Variants in NEK10 observed in about 807,000 individuals in gnomAD.
NEK10 encodes the protein serine/threonine-protein kinase Nek10.
In NEK10, 122 loss-of-function variants were observed where a neutral mutation model predicts 159.8. That is an observed-to-expected ratio of 0.76 (90% CI 0.66 to 0.89). NEK10 has a LOEUF of 0.89. Ranked by LOEUF, NEK10 falls within the 40% of genes least tolerant of loss-of-function variation. NEK10 has a pLI of 0.00. For synonymous variants in NEK10, 466 were observed against 457.1 expected, an observed-to-expected ratio of 1.02 and a Z score of -0.25; for missense variants, 1,342 against 1,323.1, an observed-to-expected ratio of 1.01 and a Z score of -0.22.
chr3:27,359,201 C>CA (rs5847459), intron 1 of NEK10, among the ~76,000 whole-genome samples: 105,265 of 135,072 alleles, frequency 0.78, 41,077 homozygotes, highest in East Asian at 0.87. Context: ...AACTCCATTT[C>CA]AAAAAAAAAA....
intron 1 of NEK10, among the ~76,000 whole-genome samples, chr3:27,354,029 C>A (rs1394465661): frequency 6.6e-6 from 1 of 152,142 alleles, no homozygotes; most frequent in Non-Finnish European, 1.5e-5. Context: ...CCCGTAAGTT[C>A]TAAAATAAAT....
intron 31 of NEK10, among the ~76,000 whole-genome samples, chr3:27,138,439 G>A (rs184739341): frequency 1.5e-3 from 231 of 152,252 alleles, no homozygotes; most frequent in Non-Finnish European, 2.2e-3. Context: ...CCTAGTGTGG[G>A]AGTGCCCAAT....
chr3:27,216,863 A>G (rs2149127996), intron 23 of NEK10, among the ~76,000 whole-genome samples: 1 of 152,362 alleles, frequency 6.6e-6, no homozygotes, highest in South Asian at 2.1e-4. Flanking sequence ...TAAGTTGGGG[A>G]TAAATGCTAT....
At chr3:27,250,488 T>G (rs1214661351) in intron 23 of NEK10, among the ~76,000 whole-genome samples, 1 of 152,134 alleles carries the variant, frequency 6.6e-6, no homozygotes, top group African/African-American at 2.4e-5. Flanking sequence ...GCCCAGCCTG[T>G]GTATTTACTA....
intron 23 of NEK10, among the ~76,000 whole-genome samples, chr3:27,248,165 G>A (rs184852502): frequency 1.2e-3 from 185 of 152,104 alleles, no homozygotes; most frequent in African/African-American, 3.9e-3. Context: ...ATAGTTGTTC[G>A]TGGTAGCCAC....
Position 27,173,558 on chromosome 3 carries a change from G to C in NEK10, c.2776+881C>G, listed in dbSNP as rs550014226. Among the ~76,000 whole-genome samples the C allele has an allele frequency of 3.7e-4, 56 of 152,240 alleles. 2 individuals carry two copies. In the South Asian group the frequency reaches 0.011, roughly 30 times the overall value. ...ATATGGAACATCTAATCATCATTTC[G>C]ATGGACCAATTAAGTTTGGAAAGGA... On this transcript the variant is annotated intron_variant, in intron 28 of 35. Coordinates refer to ENST00000691995, the MANE Select transcript of NEK10 (RefSeq NM_001394966.1).
chr3:27,183,613 C>A (rs915917423), intron 26 of NEK10, among the ~76,000 whole-genome samples: 1 of 151,620 alleles, frequency 6.6e-6, no homozygotes, highest in South Asian at 2.1e-4. Flanking sequence ...TCTGTTTATC[C>A]AAAAAATGTC....
rs768853186 is a variant in NEK10 at position 27,322,230 on chromosome 3, A to G, written c.394T>C (p.Phe132Leu). The change falls in exon 6 of 36, where the codon TTT becomes CTT. Residue 132 changes from phenylalanine to leucine, a missense_variant. Phe to Leu is a conservative substitution (Grantham distance 22, BLOSUM62 0). Transcript: ENST00000691995. ...EWVNRAPSIHFLRVLICLRLL... is the reference protein window; with the variant it reads ...EWVNRAPSIHLLRVLICLRLL... ...CTCAGACAGATTAACACTCTCAGAAAATGAATAGATGGGGCTCGATTAACC... is the reference window on the plus strand; with the variant it reads ...CTCAGACAGATTAACACTCTCAGAAGATGAATAGATGGGGCTCGATTAACC... 6.4e-7 allele frequency: 1 copy of G among 1,564,852 alleles called. No individual in the cohort carries two copies. The highest frequency in any genetic ancestry group is 8.7e-7 in the Non-Finnish European group (1 of 1,150,642).
chr3:27,215,033 G>C lies in NEK10; in HGVS notation c.2091-12476C>G. 10 of 591,202 alleles carry C rather than the reference G, an allele frequency of 1.7e-5. No homozygotes were observed. The South Asian group carries it at 2.0e-4, about 12-fold the overall frequency. 36.6% of individuals were successfully genotyped at this position (591,202 alleles called of 1,614,324 possible). On this transcript the variant is annotated intron_variant, in intron 23 of 35. Coordinates refer to ENST00000691995, the MANE Select transcript of NEK10 (RefSeq NM_001394966.1). ...TCCAACTCCGACCTGTTCCCCACCG[G>C]CGCCTCCAGCTTTCCTCTTGGCCGG...
intron 30 of NEK10, among the ~76,000 whole-genome samples, chr3:27,154,791 C>T (rs1412380320): frequency 6.6e-6 from 1 of 152,142 alleles, no homozygotes; most frequent in Non-Finnish European, 1.5e-5. Flanking sequence ...ATACAAGGGA[C>T]ATACCTCAAT....
chr3:27,123,650 A>T (rs537508800), intron 32 of NEK10, among the ~76,000 whole-genome samples: 1 of 152,188 alleles, frequency 6.6e-6, no homozygotes, highest in Non-Finnish European at 1.5e-5. Context: ...ATGTCCACCT[A>T]GATACATGTA....
chr3:27,234,463 C>T (rs1057270835), intron 23 of NEK10, among the ~76,000 whole-genome samples: 5 of 152,016 alleles, frequency 3.3e-5, no homozygotes, highest in African/African-American at 1.2e-4. Flanking sequence ...TTCCTATACA[C>T]CAACAACAAT....
chr3:27,226,785 G>A (rs956093308), intron 23 of NEK10, among the ~76,000 whole-genome samples: 1 of 152,104 alleles, frequency 6.6e-6, no homozygotes, highest in Admixed American at 6.6e-5. Context: ...AATACTTGAA[G>A]GAGGAAAACA....
intron 19 of NEK10, among the ~76,000 whole-genome samples, chr3:27,289,382 G>A (rs931593033): frequency 5.3e-5 from 8 of 152,116 alleles, no homozygotes; most frequent in Non-Finnish European, 1.2e-4. Context: ...CCTCCTTTAA[G>A]GACTCAATGT....
chr3:27,155,748 A>G (rs1021922207), intron 30 of NEK10, among the ~76,000 whole-genome samples: 1 of 152,034 alleles, frequency 6.6e-6, no homozygotes, highest in Non-Finnish European at 1.5e-5. Context: ...TGCAATCCCC[A>G]TCAAAATACC....
At chr3:27,137,226 G>C (rs1026186020) in intron 31 of NEK10, among the ~76,000 whole-genome samples, 3 of 152,062 alleles carry the variant, frequency 2.0e-5, no homozygotes, top group African/African-American at 7.2e-5. Flanking sequence ...CTTGTAGCAA[G>C]GAATGCCATT....
rs1559467975 is a variant in NEK10 at position 27,304,730 on chromosome 3, A to G, written c.1028+17T>C. ...CAACAAACAGGGCAAAGTAGGCCAA[A>G]GCCCACTTTTACTCACCCTTGTAAA... On this transcript the variant is annotated intron_variant, in intron 12 of 35. Transcript: ENST00000691995. 6.5e-7 allele frequency: 1 copy of G among 1,548,092 alleles called. No homozygotes were observed. The highest frequency in any genetic ancestry group is 8.9e-7 in the Non-Finnish European group (1 of 1,120,208).
chr3:27,282,735 T>C (rs899929909), intron 22 of NEK10, among the ~76,000 whole-genome samples: 2 of 146,390 alleles, frequency 1.4e-5, no homozygotes, highest in Non-Finnish European at 3.0e-5. Flanking sequence ...GTTATATATA[T>C]ACATAACTGT....
chr3:27,225,918 TC>T (rs556095773), intron 23 of NEK10, among the ~76,000 whole-genome samples: 5 of 151,566 alleles, frequency 3.3e-5, no homozygotes, highest in African/African-American at 9.7e-5. Context: ...AGGTAGGAAG[TC>T]CCCCCCAGAT....
Sources: allele counts gnomAD v4.1 joint callset (sites outside exome capture counted in the v4.1 genomes callset), GRCh38; gene constraint gnomAD v4.1.1; transcripts MANE v1.5; gene names NCBI Gene and HGNC (gene_info 2026-07-23, HGNC 2026-07-21).